The following RCAN1 variants were observed in gnomAD, a reference collection of about 807,000 sequenced individuals.
RCAN1 encodes calcipressin-1.
A neutral mutation model predicts 22.9 loss-of-function variants in RCAN1; 11 were observed. The ratio of observed to expected loss-of-function variants is 0.48; its 90% CI spans 0.30 to 0.79. The LOEUF is 0.79. Among genes scored for constraint, RCAN1 ranks in the 30% least tolerant of loss-of-function variants. The pLI, the probability that RCAN1 is intolerant of heterozygous loss-of-function variation, is 0.06. For synonymous variants in RCAN1, 136 were observed against 142.3 expected, an observed-to-expected ratio of 0.96 and a Z score of 0.32; for missense variants, 291 against 337.8, an observed-to-expected ratio of 0.86 and a Z score of 1.09.
chr21:34,538,523 G>A (rs974895142), intron 1 of RCAN1, among the ~76,000 whole-genome samples: 2 of 152,148 alleles, frequency 1.3e-5, no homozygotes, highest in Admixed American at 6.6e-5. Context: ...CATGGGTACT[G>A]GCCGCTTCCA....
intron 1 of RCAN1, among the ~76,000 whole-genome samples, chr21:34,612,390 C>A (rs1447671899): frequency 6.6e-6 from 1 of 152,248 alleles, no homozygotes; most frequent in Non-Finnish European, 1.5e-5. Context: ...GCTAGTCCCT[C>A]TGCCGGGATG....
In RCAN1 at chr21:34,590,813, GGAT is replaced by G. The variant is rs1275958369; in HGVS notation, c.252+23944_252+23946del. 5.3e-5 allele frequency among the ~76,000 whole-genome samples: 8 copies of G among 152,330 alleles called. No individual in the cohort carries two copies. In the East Asian group the frequency reaches 5.8e-4, roughly 11 times the overall value. On this transcript the variant is annotated intron_variant, in intron 1 of 3. Transcript: ENST00000313806. Reference sequence around the variant, plus strand: ...ATATCTGAGAAGCGTGGAATCTCATGGATACACACAGCTATGTCATAGTTGAAA... The same window carrying G: ...ATATCTGAGAAGCGTGGAATCTCATGACACACAGCTATGTCATAGTTGAAA...
chr21:34,534,949 T>C (rs182018704), intron 1 of RCAN1, among the ~76,000 whole-genome samples: 2 of 152,288 alleles, frequency 1.3e-5, no homozygotes, highest in Admixed American at 1.3e-4. Context: ...ATGGGTACAC[T>C]GCAGAGATCT....
In RCAN1 at chr21:34,518,375, G is replaced by A; in HGVS notation, c.587-119C>T. The A allele has an allele frequency of 9.9e-7, 1 of 1,012,178 alleles. No homozygotes were observed. The highest frequency in any genetic ancestry group is 1.4e-6 in the Non-Finnish European group (1 of 703,172). 62.7% of individuals were successfully genotyped at this position (1,012,178 alleles called of 1,614,324 possible). On this transcript the variant is annotated intron_variant, in intron 3 of 3. Coordinates refer to ENST00000313806, the MANE Select transcript of RCAN1 (RefSeq NM_004414.7). The surrounding 1 kb of genome is among the most constrained non-coding windows in gnomAD (Gnocchi z 4.2). ...CTGCTCGTGACCATTCGATTGGGCT[G>A]AGAGACACAGCCAGACATATTTTGG...
At chr21:34,531,417 C>T (rs1230077472) in intron 1 of RCAN1, among the ~76,000 whole-genome samples, 2 of 152,168 alleles carry the variant, frequency 1.3e-5, no homozygotes, top group Non-Finnish European at 2.9e-5. Flanking sequence ...CCTATGTGCC[C>T]TGCAGGTCCA....
intron 1 of RCAN1, among the ~76,000 whole-genome samples, chr21:34,603,896 C>T (rs1367112041): frequency 2.0e-5 from 3 of 152,184 alleles, no homozygotes; most frequent in Admixed American, 6.5e-5. Context: ...ATTTATCACT[C>T]AAGCTTCAGA....
intron 1 of RCAN1, chr21:34,525,039 T>A (rs1352293442): frequency 1.3e-6 from 2 of 1,545,322 alleles, no homozygotes; most frequent in Admixed American, 3.9e-5. Context: ...AAGAAGGGGA[T>A]GGCGCAGGGT....
At chr21:34,606,183 A>G (rs560717430) in intron 1 of RCAN1, among the ~76,000 whole-genome samples, 8 of 152,318 alleles carry the variant, frequency 5.3e-5, no homozygotes, top group African/African-American at 1.7e-4. Context: ...AACAATGAAC[A>G]GTGATTCTGA....
At chr21:34,555,919 C>T (rs1022434073) in intron 1 of RCAN1, among the ~76,000 whole-genome samples, 17 of 151,480 alleles carry the variant, frequency 1.1e-4, no homozygotes, top group East Asian at 1.9e-4. Context: ...AAAAATTAGC[C>T]GGGCATGGTG....
In RCAN1 at chr21:34,614,820, C is replaced by G. The variant is rs537594729; in HGVS notation, c.192G>C (p.Leu64=). 1.3e-6 allele frequency: 2 copies of G among 1,488,482 alleles called. No homozygotes were observed. Among genetic ancestry groups the G allele is most frequent in the Admixed American group, 2.1e-5 (1 of 48,396 alleles). The allele number at this position is 1,488,482 out of a possible 1,614,324, so 92.2% of individuals were successfully genotyped here. A position where few individuals can be genotyped will look rare whatever the true frequency, so the allele number is the denominator to read the frequency against. The change falls in exon 1 of 4, where the codon CTG becomes CTC. Residue 64 remains leucine (L), a synonymous_variant. Transcript: ENST00000313806. The surrounding 1 kb of genome is among the most constrained non-coding windows in gnomAD (Gnocchi z 6.0). The part of the protein sequence containing the change: ...CEMEEVDLQD[L]PSATIACHLD... Reference sequence around the variant, plus strand: ...GGTGACAGGCGATGGTGGCGCTGGGCAGGTCCTGCAGGTCCACCTCCTCCA... The same window carrying G: ...GGTGACAGGCGATGGTGGCGCTGGGGAGGTCCTGCAGGTCCACCTCCTCCA...
In RCAN1 at chr21:34,614,907, G is replaced by C; in HGVS notation, c.105C>G (p.Pro35=). The part of the protein sequence containing the change: ...RPGVTLRPFA[P]LSGAAEADEG... ...CGTCCGCCTCGGCCGCCCCCGAGAG[G>C]GGCGCGAAGGGCCGCAGCGTCACCC... The change falls in exon 1 of 4, where the codon CCC becomes CCG. Residue 35 remains proline (P), a synonymous_variant. Transcript: ENST00000313806. The surrounding 1 kb of genome is among the most constrained non-coding windows in gnomAD (Gnocchi z 6.0). The C allele has an allele frequency of 7.0e-7, 1 of 1,421,222 alleles. No homozygotes were observed. The highest frequency in any genetic ancestry group is 1.3e-5 in the South Asian group (1 of 77,910). The allele number at this position is 1,421,222 out of a possible 1,614,324, so 88.0% of individuals were successfully genotyped here.
chr21:34,588,149 G>A (rs1987862014), intron 1 of RCAN1, among the ~76,000 whole-genome samples: 1 of 152,172 alleles, frequency 6.6e-6, no homozygotes, highest in African/African-American at 2.4e-5. Flanking sequence ...GGAGAACGCT[G>A]TAGTCAATAA....
intron 1 of RCAN1, among the ~76,000 whole-genome samples, chr21:34,553,817 C>A (rs1440395610): frequency 6.6e-6 from 1 of 152,058 alleles, no homozygotes; most frequent in African/African-American, 2.4e-5. Flanking sequence ...ACCTATAAAG[C>A]GAAATCTTTT....
intron 1 of RCAN1, among the ~76,000 whole-genome samples, chr21:34,532,111 G>C (rs922399538): frequency 6.6e-6 from 1 of 152,176 alleles, no homozygotes; most frequent in Middle Eastern, 3.4e-3. Context: ...AGGAGGCATC[G>C]GGGTAAAGAG....
intron 1 of RCAN1, among the ~76,000 whole-genome samples, chr21:34,579,306 G>A (rs1320181342): frequency 6.6e-6 from 1 of 152,106 alleles, no homozygotes. Context: ...TGGAGGCTGG[G>A]GTGAGAAGAT....
At position 34,581,949 on chromosome 21, in the gene RCAN1, C is replaced by T. The variant is rs543862074; in HGVS notation, c.252+32811G>A. On this transcript the variant is annotated intron_variant, in intron 1 of 3. Coordinates refer to ENST00000313806, the MANE Select transcript of RCAN1 (RefSeq NM_004414.7). ...TTTGCTATCAAAATGCCAACAGGGC[C>T]GATCTCTTTCAAGCCAGACGAGTCA... 3.4e-4 allele frequency among the ~76,000 whole-genome samples: 51 copies of T among 152,208 alleles called. 2 individuals are homozygous for T. In the South Asian group the frequency reaches 8.3e-3, roughly 25 times the overall value.
intron 1 of RCAN1, among the ~76,000 whole-genome samples, chr21:34,539,827 G>T (rs1301895495): frequency 6.6e-6 from 1 of 152,136 alleles, no homozygotes; most frequent in Non-Finnish European, 1.5e-5. Flanking sequence ...CTAGAAACAG[G>T]GATTTCACCA....
chr21:34,596,972 A>C (rs1182465566), intron 1 of RCAN1, among the ~76,000 whole-genome samples: 3 of 152,180 alleles, frequency 2.0e-5, no homozygotes, highest in Non-Finnish European at 4.4e-5. Flanking sequence ...GGAGTAAAGA[A>C]GGGGTTGGAC....
chr21:34,586,758 GC>G (rs1225551901), intron 1 of RCAN1, among the ~76,000 whole-genome samples: 1 of 152,156 alleles, frequency 6.6e-6, no homozygotes, highest in African/African-American at 2.4e-5. Context: ...TTCATGACCA[GC>G]CTGGCCAACA....
Sources: allele counts gnomAD v4.1 joint callset (sites outside exome capture counted in the v4.1 genomes callset), GRCh38; gene constraint gnomAD v4.1.1; non-coding constraint Gnocchi (gnomAD v3.1); transcripts MANE v1.5; gene names NCBI Gene and HGNC (gene_info 2026-07-23, HGNC 2026-07-21).